SHISA9: variants seen among roughly 807,000 people sequenced by gnomAD.
SHISA9 encodes protein shisa-9.
SHISA9 carries 13 observed loss-of-function variants against 38.0 expected under a neutral mutation model. The observed-to-expected ratio is 0.34, with a 90% CI of 0.22 to 0.54. The LOEUF (loss-of-function observed/expected upper bound fraction) is 0.54. SHISA9 is among the 20% of genes least tolerant of loss of function. The pLI, the probability that SHISA9 is intolerant of heterozygous loss-of-function variation, is 0.91. For missense variants in SHISA9, 538 were observed against 575.8 expected (o/e 0.93, Z 0.67); for synonymous variants, 275 against 242.0 (o/e 1.14, Z -1.27).
intron 2 of SHISA9, among the ~76,000 whole-genome samples, chr16:13,092,210 C>T (rs1366869640): frequency 2.0e-5 from 3 of 152,180 alleles, no homozygotes; most frequent in African/African-American, 7.2e-5. Context: ...CCGAGAGGGG[C>T]AGCCACCTAT....
intron 2 of SHISA9, among the ~76,000 whole-genome samples, chr16:12,977,158 C>T (rs939456820): frequency 2.0e-5 from 3 of 152,160 alleles, no homozygotes; most frequent in Non-Finnish European, 4.4e-5. Flanking sequence ...GTCTTGGAGA[C>T]GGGCTGTGTT....
chr16:13,352,697 TA>T, the SHISA9 span, among the ~76,000 whole-genome samples: 18 of 129,014 alleles, frequency 1.4e-4, no homozygotes, highest in Middle Eastern at 3.9e-3. Context: ...CGAAGGGAGA[TA>T]AGGGGGGGGG....
At chr16:13,241,979 G>T (rs1337210679), downstream of SHISA9, among the ~76,000 whole-genome samples, 2 of 152,180 alleles carry the variant, frequency 1.3e-5, no homozygotes, top group Admixed American at 6.5e-5. Context: ...TTCCTCTAGT[G>T]AGCCACCTGG....
rs533726854 is a variant in SHISA9 at position 13,062,772 on chromosome 16, A to G, written c.692-140622A>G. 2.6e-5 allele frequency among the ~76,000 whole-genome samples: 4 copies of G among 152,094 alleles called. No homozygotes were observed. The East Asian group carries it at 5.8e-4, about 22-fold the overall frequency. ...TACCTTGTTCAACATGGATTTTTAG[A>G]ATTACTTTTGATTTTTAAAACTGTT... is the stretch of plus-strand genomic sequence containing the variant. On this transcript the variant is annotated intron_variant, in intron 2 of 4. Transcript: ENST00000558583.
the SHISA9 span, among the ~76,000 whole-genome samples, chr16:13,450,957 C>T: frequency 1.3e-5 from 2 of 152,172 alleles, no homozygotes; most frequent in African/African-American, 2.4e-5. Flanking sequence ...TCTTTTTCCT[C>T]TTAGATCTTG....
At chr16:12,917,275 A>G (rs1313753551) in intron 2 of SHISA9, among the ~76,000 whole-genome samples, 3 of 152,210 alleles carry the variant, frequency 2.0e-5, no homozygotes, top group Non-Finnish European at 4.4e-5. Context: ...ATTATGAAAT[A>G]CTAGTTCAGA....
chr16:13,173,295 C>T (rs1410003809), intron 2 of SHISA9, among the ~76,000 whole-genome samples: 2 of 149,184 alleles, frequency 1.3e-5, no homozygotes, highest in African/African-American at 5.0e-5. Context: ...CCCAGAAGAA[C>T]AAAACTCTTA....
chr16:13,147,900 G>T (rs2050461653), intron 2 of SHISA9, among the ~76,000 whole-genome samples: 1 of 152,216 alleles, frequency 6.6e-6, no homozygotes, highest in Non-Finnish European at 1.5e-5. Flanking sequence ...AAGCTCACAT[G>T]TGCCAAGAAA....
chr16:13,003,889 T>TAATAATAATAAGAAG (rs770958492), intron 2 of SHISA9, among the ~76,000 whole-genome samples: 3 of 145,824 alleles, frequency 2.1e-5, no homozygotes, highest in African/African-American at 7.6e-5. Context: ...ATAATAATAA[T>TAATAATAATAAGAAG]AAGAAGAAGA....
At chr16:12,928,222 C>T (rs1284440718) in intron 2 of SHISA9, among the ~76,000 whole-genome samples, 1 of 151,646 alleles carries the variant, frequency 6.6e-6, no homozygotes, top group African/African-American at 2.4e-5. Context: ...CATAGATTTG[C>T]ATTTTTGGTT....
intron 2 of SHISA9, among the ~76,000 whole-genome samples, chr16:12,943,027 A>T (rs1004049230): frequency 1.3e-5 from 2 of 152,030 alleles, no homozygotes; most frequent in African/African-American, 4.8e-5. Context: ...TGCAAACCAG[A>T]ATTGTCCTTA....
downstream of SHISA9, among the ~76,000 whole-genome samples, chr16:13,243,698 C>A (rs961072106): frequency 2.0e-5 from 3 of 151,546 alleles, no homozygotes; most frequent in East Asian, 3.9e-4. Flanking sequence ...ATGTCCGACC[C>A]CCACTTCTCC....
At chr16:13,549,300 T>G in the SHISA9 span, among the ~76,000 whole-genome samples, 1 of 152,174 alleles carries the variant, frequency 6.6e-6, no homozygotes, top group Non-Finnish European at 1.5e-5. Flanking sequence ...TATTGCACAG[T>G]AGGATGACTA....
chr16:12,917,392 A>G (rs942048388), intron 2 of SHISA9, among the ~76,000 whole-genome samples: 1 of 151,990 alleles, frequency 6.6e-6, no homozygotes, highest in African/African-American at 2.4e-5. Context: ...GGTCCTGTTG[A>G]TTTGAGGTTC....
intron 3 of SHISA9, among the ~76,000 whole-genome samples, chr16:13,212,910 T>G (rs1039264592): frequency 6.6e-6 from 1 of 152,220 alleles, no homozygotes; most frequent in African/African-American, 2.4e-5. Flanking sequence ...TAACTCAAAC[T>G]TTCCTTTCTT....
At chr16:13,500,493 T>C in the SHISA9 span, among the ~76,000 whole-genome samples, 1 of 152,078 alleles carries the variant, frequency 6.6e-6, no homozygotes, top group Non-Finnish European at 1.5e-5. Context: ...AAATAGCAGT[T>C]AATCTGGGTC....
At chr16:13,222,815 T>TATATATATAC (rs1430368739) in intron 4 of SHISA9, among the ~76,000 whole-genome samples, 163 of 70,914 alleles carry the variant, frequency 2.3e-3, no homozygotes, top group African/African-American at 0.015. Flanking sequence ...TATATATACA[T>TATATATATAC]ACACACACCA....
the SHISA9 span, among the ~76,000 whole-genome samples, chr16:13,400,695 T>A: frequency 4.7e-4 from 71 of 152,146 alleles, no homozygotes; most frequent in African/African-American, 1.5e-3. Flanking sequence ...TAACCCTGAC[T>A]CCATGTCTGA....
the SHISA9 span, among the ~76,000 whole-genome samples, chr16:13,479,147 G>A: frequency 8.6e-5 from 13 of 152,046 alleles, no homozygotes; most frequent in African/African-American, 2.4e-4. Context: ...CCTGCACGGC[G>A]CCTATCAGTT....
Sources: allele counts gnomAD v4.1 joint callset (sites outside exome capture counted in the v4.1 genomes callset), GRCh38; gene constraint gnomAD v4.1.1; transcripts MANE v1.5; gene names NCBI Gene and HGNC (gene_info 2026-07-23, HGNC 2026-07-21).